Variants in IL33 observed in about 807,000 individuals in gnomAD.
The protein encoded by IL33 is interleukin-33.
Under a neutral mutation model 27.3 loss-of-function variants are expected in IL33, and 37 were observed. The observed-to-expected ratio is 1.36, with a 90% CI of 1.04 to 1.78. IL33 has a LOEUF of 1.78. IL33 is among the 40% of genes most tolerant of loss of function. The pLI, the probability that IL33 is intolerant of heterozygous loss-of-function variation, is 0.00. For synonymous variants in IL33, 132 were observed against 102.9 expected, an observed-to-expected ratio of 1.28 and a Z score of -1.71; for missense variants, 406 against 311.4, an observed-to-expected ratio of 1.30 and a Z score of -2.29.
chr9:6,243,462 T>C (rs1423622358), intron 2 of IL33, among the ~76,000 whole-genome samples: 2 of 152,212 alleles, frequency 1.3e-5, no homozygotes, highest in Non-Finnish European at 2.9e-5. Context: ...CAAGCGATTC[T>C]CCTGTCTCAG....
chr9:6,241,884 T>C, intron 2 of IL33, 99 bp downstream of exon 2: 1 of 779,168 alleles, frequency 1.3e-6, no homozygotes, highest in Non-Finnish European at 2.0e-6. Context: ...TATCAAAATC[T>C]ACTAAGAATA....
chr9:6,216,151 G>A (rs1311574914), intron 1 of IL33, among the ~76,000 whole-genome samples: 1 of 152,072 alleles, frequency 6.6e-6, no homozygotes, highest in African/African-American at 2.4e-5. Flanking sequence ...TTTTTTAAGA[G>A]ATGGGATCTT....
chr9:6,215,233 A>G (rs1818089897), upstream of IL33, among the ~76,000 whole-genome samples: 1 of 152,212 alleles, frequency 6.6e-6, no homozygotes, highest in Non-Finnish European at 1.5e-5. Context: ...TGGGATCTAT[A>G]GTACAGGATT....
rs143456203 is a variant in IL33, at chr9:6,250,987, G to C, written c.218-153G>C. 2.0e-3 allele frequency among the ~76,000 whole-genome samples: 307 copies of C among 152,244 alleles called. 4 individuals carry two copies. Among genetic ancestry groups the C allele is most frequent in the African/African-American group, 7.3e-3 (302 of 41,526 alleles). ...TGTGCTTCTACTGGGGAATAAGTGT[G>C]CCAAGAGGTATCAATCCCTTTGGAC... On this transcript the variant is annotated intron_variant, in intron 3 of 7. Coordinates refer to ENST00000682010, the MANE Select transcript of IL33 (RefSeq NM_033439.4).
chr9:6,252,733 C>T lies in IL33; in HGVS notation c.344-133C>T, dbSNP rs937076512. The T allele has an allele frequency of 8.8e-6, 9 of 1,022,004 alleles. No individual in the cohort carries two copies. In the African/African-American group the frequency reaches 1.3e-4, roughly 15 times the overall value. 63.3% of individuals were successfully genotyped at this position (1,022,004 alleles called of 1,614,324 possible). On this transcript the variant is annotated intron_variant, in intron 4 of 7. Transcript: ENST00000682010. The stretch of plus-strand genomic sequence containing the variant: ...CCTTTTAGCTATGTAAAACTTGTAT[C>T]AAAGGCTTTAATCTAGCCAACAGTG...
chr9:6,226,541 G>A (rs373105078), intron 1 of IL33, among the ~76,000 whole-genome samples: 1 of 151,882 alleles, frequency 6.6e-6, no homozygotes, highest in Non-Finnish European at 1.5e-5. Context: ...TCTCTGGATT[G>A]TATTCTAAGG....
At chr9:6,254,102 C>A (rs1318042853) in intron 6 of IL33, among the ~76,000 whole-genome samples, 2 of 152,110 alleles carry the variant, frequency 1.3e-5, no homozygotes, top group East Asian at 3.9e-4. Context: ...CTACACTTAG[C>A]CATAAGAAGG....
intron 1 of IL33, among the ~76,000 whole-genome samples, chr9:6,237,490 C>G (rs895365295): frequency 3.3e-5 from 5 of 152,158 alleles, no homozygotes; most frequent in Non-Finnish European, 1.5e-5. Flanking sequence ...CTCAATTATA[C>G]AAGCCAATAC....
In IL33 at chr9:6,232,792, T is replaced by C. The variant is rs543118475; in HGVS notation, c.-11-8892T>C. ...GTCACCCTTGGTGATTTCATTGCTG[T>C]TGTCACCCTTAGTGACTGCTTTGAC... On this transcript the variant is annotated intron_variant, in intron 1 of 7. Transcript: ENST00000682010. 2.6e-5 allele frequency among the ~76,000 whole-genome samples: 4 copies of C among 152,286 alleles called. No homozygotes were observed. The South Asian group carries it at 6.2e-4, about 24-fold the overall frequency.
chr9:6,235,108 A>G (rs1184597811), intron 1 of IL33, among the ~76,000 whole-genome samples: 1 of 152,200 alleles, frequency 6.6e-6, no homozygotes, highest in Non-Finnish European at 1.5e-5. Flanking sequence ...TAGTGCTATC[A>G]GAGCTTACTA....
chr9:6,253,667 A>G, intron 6 of IL33, 65 bp downstream of exon 6: 2 of 1,315,170 alleles, frequency 1.5e-6, no homozygotes, highest in South Asian at 1.3e-5. Context: ...GATAAATCCA[A>G]AAAAATCCTT....
chr9:6,233,776 C>G (rs1819043165), intron 1 of IL33, among the ~76,000 whole-genome samples: 1 of 152,178 alleles, frequency 6.6e-6, no homozygotes, highest in African/African-American at 2.4e-5. Context: ...GGTCACCTAG[C>G]TAGTAAGTAG....
At position 6,252,884 on chromosome 9, in the gene IL33, A is replaced by G. The variant is rs776239903; in HGVS notation, c.362A>G (p.Glu121Gly). The change falls in exon 5 of 8, where the codon GAG becomes GGG. Residue 121 changes from glutamate (E) to glycine (G), a missense_variant. Coordinates refer to ENST00000682010, the MANE Select transcript of IL33 (RefSeq NM_033439.4). ...ACAACAGGAATTTCACCTATTACAG[A>G]GTATCTTGCTTCTCTAAGCACATAC... ...SSITGISPIT[E>G]YLASLSTYND... The G allele has an allele frequency of 6.2e-7, 1 of 1,606,488 alleles. No homozygotes were observed. Among genetic ancestry groups the G allele is most frequent in the Non-Finnish European group, 8.5e-7 (1 of 1,177,792 alleles).
In IL33 at chr9:6,257,450, G is replaced by T. The variant is rs1049620358; in HGVS notation, c.*1282G>T. The T allele has an allele frequency of 1.5e-4, 23 of 152,542 alleles. No homozygotes were observed. The highest frequency in any genetic ancestry group is 5.6e-4 in the African/African-American group (23 of 41,422). The allele number at this position is 152,542 out of a possible 1,614,324, so 9.4% of individuals were successfully genotyped here. Reference sequence around the variant, plus strand: ...TGTCTGTTGTAGAATTTTAGATAAAGCTATTAATGGCAATATTTTTTTGCT... The same window carrying T: ...TGTCTGTTGTAGAATTTTAGATAAATCTATTAATGGCAATATTTTTTTGCT... On this transcript the variant is annotated 3_prime_UTR_variant, in exon 8 of 8. Transcript: ENST00000682010.
At chr9:6,251,653 T>C (rs900843743) in intron 4 of IL33, among the ~76,000 whole-genome samples, 3 of 152,106 alleles carry the variant, frequency 2.0e-5, no homozygotes, top group Non-Finnish European at 2.9e-5. Flanking sequence ...TTATACATTT[T>C]AAGTAGTAGT....
At chr9:6,243,763 G>T (rs1190880478) in intron 2 of IL33, among the ~76,000 whole-genome samples, 1 of 152,224 alleles carries the variant, frequency 6.6e-6, no homozygotes, top group Admixed American at 6.5e-5. Flanking sequence ...AGGAATGATG[G>T]TGGGGACTGG....
intron 1 of IL33, among the ~76,000 whole-genome samples, chr9:6,239,414 A>G (rs943727881): frequency 2.6e-5 from 4 of 152,166 alleles, no homozygotes; most frequent in Non-Finnish European, 5.9e-5. Context: ...GAAGTAACTT[A>G]GGCTACGAGC....
intron 1 of IL33, among the ~76,000 whole-genome samples, chr9:6,220,396 C>T (rs911561596): frequency 7.9e-5 from 12 of 152,214 alleles, no homozygotes; most frequent in Non-Finnish European, 1.6e-4. Flanking sequence ...TAGAGTTTAA[C>T]AGAACTTCAT....
At chr9:6,251,967 A>G (rs925600518) in intron 4 of IL33, among the ~76,000 whole-genome samples, 1 of 151,280 alleles carries the variant, frequency 6.6e-6, no homozygotes, top group Non-Finnish European at 1.5e-5. Context: ...TTGAACCTTG[A>G]CAGAGGTTGC....
Sources: gnomAD v4.1 joint callset for allele counts (sites outside exome capture counted in the v4.1 genomes callset) on GRCh38, gnomAD v4.1.1 for gene constraint, MANE v1.5 for transcripts, NCBI Gene and HGNC (gene_info 2026-07-23, HGNC 2026-07-21) for gene names.